LRRC37A3: variants seen among roughly 807,000 people sequenced by gnomAD.
LRRC37A3 encodes the protein leucine-rich repeat-containing protein 37A3.
In LRRC37A3, 25 loss-of-function variants were observed where a neutral mutation model predicts 106.2. The ratio of observed to expected loss-of-function variants is 0.24; its 90% CI spans 0.17 to 0.33. LRRC37A3 has a LOEUF of 0.33. LRRC37A3 is among the 10% of genes least tolerant of loss of function. The pLI, the probability that LRRC37A3 is intolerant of heterozygous loss-of-function variation, is 1.00. For synonymous variants in LRRC37A3, 305 were observed against 635.8 expected, an observed-to-expected ratio of 0.48 and a Z score of 7.83; for missense variants, 712 against 1,644.9, an observed-to-expected ratio of 0.43 and a Z score of 9.81.
intron 8 of LRRC37A3, among the ~76,000 whole-genome samples, chr17:64,869,932 A>AAAG (rs60601990): frequency 0.94 from 137,120 of 145,432 alleles, 64,746 homozygotes; most frequent in East Asian, 1. Flanking sequence ...CTTTATAGCC[A>AAAG]AAGAAGGAAT....
chr17:64,871,288 T>C (rs1973303565), intron 8 of LRRC37A3, among the ~76,000 whole-genome samples: 1 of 152,040 alleles, frequency 6.6e-6, no homozygotes, highest in African/African-American at 2.4e-5. Flanking sequence ...ATTCCAGCTG[T>C]TTCAGAGGCT....
intron 8 of LRRC37A3, among the ~76,000 whole-genome samples, chr17:64,875,190 T>C (rs1973469324): frequency 1.3e-5 from 2 of 152,282 alleles, no homozygotes; most frequent in African/African-American, 2.4e-5. Flanking sequence ...GGTGACAGCA[T>C]TGCTTAAGCC....
chr17:64,910,816 AT>A (rs1222668255), intron 2 of LRRC37A3, among the ~76,000 whole-genome samples: 1 of 148,768 alleles, frequency 6.7e-6, no homozygotes, highest in Non-Finnish European at 1.5e-5. Context: ...TAATTTTTAT[AT>A]TTTTAGTAGA....
At chr17:64,910,633 C>T (rs1430703968) in intron 2 of LRRC37A3, among the ~76,000 whole-genome samples, 3 of 149,056 alleles carry the variant, frequency 2.0e-5, no homozygotes, top group Admixed American at 1.3e-4. Context: ...TAACATTGTC[C>T]CCCCTTTTTT....
chr17:64,859,393 A>G, intron 12 of LRRC37A3, 49 bp downstream of exon 12: 1 of 1,243,518 alleles, frequency 8.0e-7, no homozygotes, highest in Non-Finnish European at 1.1e-6. Context: ...TTCCTGGGAT[A>G]TGCTAAATGA....
chr17:64,873,896 CA>C (rs1238741230), intron 8 of LRRC37A3, among the ~76,000 whole-genome samples: 9 of 152,056 alleles, frequency 5.9e-5, no homozygotes, highest in African/African-American at 1.9e-4. Context: ...ATGATGGCCC[CA>C]AACTTCCCAA....
chr17:64,874,349 C>T (rs374241601), intron 8 of LRRC37A3, among the ~76,000 whole-genome samples: 11 of 140,388 alleles, frequency 7.8e-5, no homozygotes, highest in East Asian at 6.9e-4. Flanking sequence ...CCGTCTGAGA[C>T]GTGAGGAGCC....
chr17:64,879,145 T>C (rs2143497250), intron 8 of LRRC37A3, among the ~76,000 whole-genome samples: 1 of 151,772 alleles, frequency 6.6e-6, no homozygotes, highest in Non-Finnish European at 1.5e-5. Context: ...TCAAAGTAGA[T>C]TAGTAGTTAC....
intron 2 of LRRC37A3, among the ~76,000 whole-genome samples, chr17:64,913,576 G>A (rs1974638769): frequency 6.6e-6 from 1 of 151,436 alleles, no homozygotes; most frequent in Non-Finnish European, 1.5e-5. Context: ...CTGACCTCAG[G>A]TGATCCACCC....
intron 13 of LRRC37A3, 140 bp downstream of exon 13, chr17:64,858,639 C>T (rs749282922): frequency 1.4e-5 from 10 of 699,940 alleles, no homozygotes; most frequent in Non-Finnish European, 1.8e-5. Flanking sequence ...AAGAACAAAG[C>T]ATACACCTCA....
chr17:64,875,047 A>C (rs1973461370), intron 8 of LRRC37A3, among the ~76,000 whole-genome samples: 1 of 151,784 alleles, frequency 6.6e-6, no homozygotes, highest in South Asian at 2.1e-4. Flanking sequence ...TTGTCCTATG[A>C]CCCTGCCAAA....
At position 64,858,931 on chromosome 17, in the gene LRRC37A3, T is replaced by C. The variant is rs749612546; in HGVS notation, c.4705-48A>G. ...GAGAGCTAACTATTCAAAACCCCAG[T>C]ATTCCAGGTGAGTAGCTTACAGGTT... On this transcript the variant is annotated intron_variant, in intron 12 of 14. Transcript: ENST00000584306. 18 of 1,278,764 alleles carry C rather than the reference T, an allele frequency of 1.4e-5. No homozygotes were observed. In the Admixed American group the frequency reaches 3.5e-4, roughly 25 times the overall value. The allele number at this position is 1,278,764 out of a possible 1,614,324, so 79.2% of individuals were successfully genotyped here.
At chr17:64,866,628 A>ATATATATATATATATATAT (rs1491179388) in intron 10 of LRRC37A3, among the ~76,000 whole-genome samples, 2 of 17,870 alleles carry the variant, frequency 1.1e-4, no homozygotes, top group Non-Finnish European at 1.7e-4. Context: ...ATATATATAT[A>ATATATATATATATATATAT]TTTTTTTTTT....
chr17:64,873,918 A>G (rs1973409145), intron 8 of LRRC37A3, among the ~76,000 whole-genome samples: 1 of 152,306 alleles, frequency 6.6e-6, no homozygotes, highest in African/African-American at 2.4e-5. Flanking sequence ...ACATGATGAA[A>G]AACAATCTGC....
At chr17:64,913,214 A>T (rs1288857815) in intron 2 of LRRC37A3, among the ~76,000 whole-genome samples, 1 of 151,910 alleles carries the variant, frequency 6.6e-6, no homozygotes, top group African/African-American at 2.4e-5. Flanking sequence ...TTTTTAGTAG[A>T]GACGGGGTTT....
intron 13 of LRRC37A3, among the ~76,000 whole-genome samples, chr17:64,857,820 T>C (rs1972731960): frequency 1.3e-5 from 2 of 151,986 alleles, no homozygotes; most frequent in African/African-American, 4.8e-5. Context: ...ATGCGGGTGG[T>C]GTGACTGGGG....
intron 10 of LRRC37A3, among the ~76,000 whole-genome samples, chr17:64,866,628 ATTT>A (rs1183521580): frequency 5.3e-3 from 95 of 17,840 alleles, no homozygotes; most frequent in East Asian, 0.016. Context: ...ATATATATAT[ATTT>A]TTTTTTTTTT....
At chr17:64,874,678 T>C (rs1022385353) in intron 8 of LRRC37A3, among the ~76,000 whole-genome samples, 1 of 152,228 alleles carries the variant, frequency 6.6e-6, no homozygotes, top group Non-Finnish European at 1.5e-5. Context: ...GGGGAAAAGA[T>C]ACAGAAATCA....
intron 10 of LRRC37A3, among the ~76,000 whole-genome samples, chr17:64,867,121 CA>C (rs1478398294): frequency 6.6e-6 from 1 of 151,374 alleles, no homozygotes; most frequent in Non-Finnish European, 1.5e-5. Flanking sequence ...CAAAAAATCA[CA>C]AGCCATTTAA....
Sources: allele counts gnomAD v4.1 joint callset (sites outside exome capture counted in the v4.1 genomes callset), GRCh38; gene constraint gnomAD v4.1.1; transcripts MANE v1.5; gene names NCBI Gene and HGNC (gene_info 2026-07-23, HGNC 2026-07-21).